The following NDUFA5 variants were observed in gnomAD, a reference collection of about 807,000 sequenced individuals.
NDUFA5 encodes NADH:ubiquinone oxidoreductase subunit A5, also known as NADH dehydrogenase [ubiquinone] 1 alpha subcomplex subunit 5.
In NDUFA5, 11 loss-of-function variants were observed where a neutral mutation model predicts 19.8. The ratio of observed to expected loss-of-function variants is 0.56; its 90% confidence interval spans 0.35 to 0.92. The LOEUF is 0.92. Among genes scored for constraint, NDUFA5 ranks in the 40% least tolerant of loss-of-function variants. The probability of loss-of-function intolerance (pLI) is 0.01; values close to 1 mark genes in which losing one functional copy is unlikely to be tolerated. For missense variants in NDUFA5, 109 were observed against 134.2 expected (o/e 0.81, Z 0.93); for synonymous variants, 47 against 46.8 (o/e 1.00, Z -0.01).
upstream of NDUFA5, among the ~76,000 whole-genome samples, chr7:123,561,013 G>C: frequency 6.6e-6 from 1 of 152,232 alleles, no homozygotes; most frequent in East Asian, 1.9e-4. Flanking sequence ...ACACTGAAAA[G>C]TATTAAATAT....
chr7:123,541,924 T>C lies in NDUFA5; in HGVS notation c.*195A>G. 2.8e-6 allele frequency: 1 copy of C among 351,564 alleles called. No individual in the cohort carries two copies. The highest frequency in any genetic ancestry group is 5.1e-6 in the Non-Finnish European group (1 of 196,482). The allele number at this position is 351,564 out of a possible 1,614,324, so 21.8% of individuals were successfully genotyped here. On this transcript the variant is annotated 3_prime_UTR_variant, in exon 5 of 5. Transcript: ENST00000355749. ...ACAGAAATATCATCTTTGAAACAACTTGTGTGAGTACTTTATAAATCAAAA... is the reference window on the plus strand; with the variant it reads ...ACAGAAATATCATCTTTGAAACAACCTGTGTGAGTACTTTATAAATCAAAA...
the NDUFA5 span, among the ~76,000 whole-genome samples, chr7:123,581,979 C>T: frequency 6.6e-6 from 1 of 151,994 alleles, no homozygotes; most frequent in East Asian, 1.9e-4. Context: ...GCCATGAATT[C>T]TGGGGCAGAA....
Position 123,538,707 on chromosome 7 carries a change from A to G in NDUFA5, c.*3412T>C, listed in dbSNP as rs939708951. 1 of 152,170 alleles carries G rather than the reference A, an allele frequency of 6.6e-6. No individual in the cohort carries two copies. Among genetic ancestry groups the G allele is most frequent in the African/African-American group, 2.4e-5 (1 of 41,458 alleles). The allele number at this position is 152,170 out of a possible 1,614,324, so 9.4% of individuals were successfully genotyped here. The stretch of plus-strand genomic sequence containing the variant: ...GCCTCCCTACTGAACACTTAGTTTT[A>G]ATGGGAAGACTGCACTCAGCAAATC... On this transcript the variant is annotated 3_prime_UTR_variant, in exon 5 of 5. Coordinates refer to ENST00000355749, the MANE Select transcript of NDUFA5 (RefSeq NM_005000.5).
the NDUFA5 span, among the ~76,000 whole-genome samples, chr7:123,563,788 C>T: frequency 6.6e-6 from 1 of 152,112 alleles, no homozygotes; most frequent in Non-Finnish European, 1.5e-5. Context: ...CTACAGGAGG[C>T]TAAATGATGA....
chr7:123,557,951 T>C, upstream of NDUFA5: 3 of 1,306,910 alleles, frequency 2.3e-6, no homozygotes, highest in Non-Finnish European at 3.2e-6. Flanking sequence ...CCGCCCATCT[T>C]AAAAGAGAAA....
At chr7:123,594,577 T>C in the NDUFA5 span, among the ~76,000 whole-genome samples, 4 of 152,156 alleles carry the variant, frequency 2.6e-5, no homozygotes, top group African/African-American at 7.2e-5. Context: ...GGAGGTCCAC[T>C]CCAGACCCTG....
the NDUFA5 span, among the ~76,000 whole-genome samples, chr7:123,594,266 G>A: frequency 6.6e-6 from 1 of 152,034 alleles, no homozygotes; most frequent in Non-Finnish European, 1.5e-5. Flanking sequence ...ACCGACTTCT[G>A]AGGCCTACTT....
intron 3 of NDUFA5, among the ~76,000 whole-genome samples, chr7:123,546,969 A>G (rs1043387146): frequency 6.6e-6 from 1 of 152,214 alleles, no homozygotes; most frequent in African/African-American, 2.4e-5. Flanking sequence ...AACTGCAATT[A>G]TAAGTGTCCT....
the NDUFA5 span, among the ~76,000 whole-genome samples, chr7:123,596,810 A>G: frequency 1.3e-5 from 2 of 152,194 alleles, no homozygotes; most frequent in Non-Finnish European, 2.9e-5. Flanking sequence ...CAAAACACAA[A>G]TGCACATGAA....
chr7:123,574,335 C>A, the NDUFA5 span, among the ~76,000 whole-genome samples: 18 of 152,044 alleles, frequency 1.2e-4, no homozygotes, highest in Non-Finnish European at 2.2e-4. Context: ...AAGACAGTGG[C>A]TCTCAAATTT....
the NDUFA5 span, among the ~76,000 whole-genome samples, chr7:123,585,895 C>T: frequency 6.6e-6 from 1 of 151,682 alleles, no homozygotes; most frequent in Non-Finnish European, 1.5e-5. Flanking sequence ...CATGTTGTCA[C>T]GAATACCAGA....
At chr7:123,583,196 G>C in the NDUFA5 span, among the ~76,000 whole-genome samples, 2 of 151,896 alleles carry the variant, frequency 1.3e-5, no homozygotes. Context: ...TTCAAGATCA[G>C]CTGGGGCAAT....
At chr7:123,545,955 A>T (rs940556619) in intron 3 of NDUFA5, 17 of 270,538 alleles carry the variant, frequency 6.3e-5, no homozygotes, top group Admixed American at 2.7e-4. Context: ...TTAAAATATG[A>T]CTTTGCTTTC....
chr7:123,549,587 G>A (rs543574932), intron 3 of NDUFA5, among the ~76,000 whole-genome samples: 54 of 152,246 alleles, frequency 3.5e-4, no homozygotes, highest in South Asian at 2.1e-3. Flanking sequence ...GATCAGCTAG[G>A]GCAACACAGT....
the NDUFA5 span, among the ~76,000 whole-genome samples, chr7:123,564,127 C>G: frequency 6.6e-6 from 1 of 152,122 alleles, no homozygotes; most frequent in Non-Finnish European, 1.5e-5. Flanking sequence ...ATGTAAGGAA[C>G]TTTTGTAAAT....
At chr7:123,591,858 A>C in the NDUFA5 span, among the ~76,000 whole-genome samples, 1 of 152,216 alleles carries the variant, frequency 6.6e-6, no homozygotes, top group African/African-American at 2.4e-5. Context: ...TGATTGAAAT[A>C]GTTTCAGAAG....
the NDUFA5 span, among the ~76,000 whole-genome samples, chr7:123,577,059 C>G: frequency 1.3e-5 from 2 of 152,126 alleles, no homozygotes; most frequent in Non-Finnish European, 2.9e-5. Flanking sequence ...TCATGTAAGA[C>G]AACATTTGTA....
intron 2 of NDUFA5, chr7:123,557,014 A>G (rs1318351555): frequency 4.2e-6 from 2 of 476,894 alleles, no homozygotes; most frequent in Non-Finnish European, 4.1e-6. Context: ...AAGACCTAAC[A>G]GAAGGAAAAG....
chr7:123,542,002 A>AT lies in NDUFA5; in HGVS notation c.*116dup, dbSNP rs1797957470. ...ATCACCAATTTTAACAGTCTCCTAC[A>AT]TATTTTCTATATCACTTTTCTTGAT... On this transcript the variant is annotated 3_prime_UTR_variant, in exon 5 of 5. Transcript: ENST00000355749. 6.4e-6 allele frequency: 4 copies of AT among 622,040 alleles called. No homozygotes were observed. The highest frequency in any genetic ancestry group is 1.0e-5 in the Non-Finnish European group (4 of 391,158). The allele number at this position is 622,040 out of a possible 1,614,324, so 38.5% of individuals were successfully genotyped here.
Sources: allele counts gnomAD v4.1 joint callset (sites outside exome capture counted in the v4.1 genomes callset), GRCh38; gene constraint gnomAD v4.1.1; transcripts MANE v1.5; gene names NCBI Gene and HGNC (gene_info 2026-07-23, HGNC 2026-07-21).